Variants in TNN observed in about 807,000 individuals in gnomAD.
TNN encodes tenascin-N.
TNN carries 122 observed loss-of-function variants against 134.4 expected under a neutral mutation model. The ratio of observed to expected loss-of-function variants is 0.91; its 90% CI spans 0.78 to 1.06. The LOEUF (loss-of-function observed/expected upper bound fraction) is 1.06, where lower values mean the gene tolerates loss of function less well. Ranked by LOEUF, TNN falls within the 50% of genes least tolerant of loss-of-function variation. The pLI is 0.00. For missense variants in TNN, 1,739 were observed against 1,699.4 expected (o/e 1.02, Z -0.41); for synonymous variants, 710 against 670.3 (o/e 1.06, Z -0.91).
chr1:175,093,747 A>G (rs995596130), intron 6 of TNN, among the ~76,000 whole-genome samples: 1 of 152,162 alleles, frequency 6.6e-6, no homozygotes, highest in Admixed American at 6.5e-5. Flanking sequence ...AGTTTTCTCT[A>G]ATATGTTCAG....
chr1:175,098,345 C>A lies in TNN; in HGVS notation c.1869C>A (p.Pro623=), dbSNP rs1457163407. The change falls in exon 9 of 19, where the codon CCC becomes CCA. Residue 623 remains proline, a synonymous_variant. Transcript: ENST00000239462. The stretch of plus-strand genomic sequence containing the variant: ...TTTTCCTTCCAGATATTGACAGCCC[C>A]AAAAACCTGGTGACTGACCGGGTGA... ...DTNAPTDIDS[P]KNLVTDRVTE... The A allele has an allele frequency of 1.2e-6, 2 of 1,614,018 alleles. No individual in the cohort carries two copies. Among genetic ancestry groups the A allele is most frequent in the African/African-American group, 2.7e-5 (2 of 74,912 alleles).
chr1:175,146,806 C>G, intron 18 of TNN, 125 bp from the exon 19 acceptor site: 1 of 946,982 alleles, frequency 1.1e-6, no homozygotes, highest in Non-Finnish European at 1.5e-6. Flanking sequence ...CTTTCTCTCT[C>G]CTGAGCAGAG....
At position 175,094,003 on chromosome 1, in the gene TNN, A is replaced by C; in HGVS notation, c.1338A>C (p.Pro446=). Reference sequence around the variant, plus strand: ...GTTTTTATGAAGAAATTGACAGTCCAACCAATGTTGTCACTGATCGAGTGA... The same window carrying C: ...GTTTTTATGAAGAAATTGACAGTCCCACCAATGTTGTCACTGATCGAGTGA... ...LLNGRTEIDS[P]TNVVTDRVTE... Residue 446 remains proline (P), a synonymous_variant, in exon 7 of 19, where the codon CCA becomes CCC. Coordinates refer to ENST00000239462, the MANE Select transcript of TNN (RefSeq NM_022093.2). The C allele has an allele frequency of 1.2e-6, 2 of 1,601,264 alleles. No homozygotes were observed. The highest frequency in any genetic ancestry group is 8.5e-7 in the Non-Finnish European group (1 of 1,169,996).
At chr1:175,087,215 C>A (rs1894686) in intron 6 of TNN, among the ~76,000 whole-genome samples, 83,039 of 152,062 alleles carry the variant, frequency 0.55, 23,219 homozygotes, top group African/African-American at 0.68. Flanking sequence ...TGGTCTGTAC[C>A]TTTCTCCAAA....
At chr1:175,123,226 T>C (rs562083655) in intron 11 of TNN, among the ~76,000 whole-genome samples, 174 bp from the exon 12 acceptor site, 15 of 152,354 alleles carry the variant, frequency 9.8e-5, no homozygotes, top group Admixed American at 9.1e-4. Flanking sequence ...TCCAGTTTTA[T>C]ATCCAGTGGT....
intron 13 of TNN, 115 bp from the exon 14 acceptor site, chr1:175,127,917 C>T: frequency 7.7e-7 from 1 of 1,298,726 alleles, no homozygotes; most frequent in South Asian, 1.3e-5. Context: ...AGAGACAAAA[C>T]ACTGTGCTCT....
intron 7 of TNN, among the ~76,000 whole-genome samples, chr1:175,095,200 C>T (rs904294921): frequency 6.6e-6 from 1 of 152,104 alleles, no homozygotes; most frequent in Non-Finnish European, 1.5e-5. Context: ...AATAGTTGAC[C>T]TCTTCTTCAG....
rs1675208231 is a variant in TNN, at chr1:175,117,172, G to C, written c.2353G>C (p.Glu785Gln). ...CGTGTGGGCCCAGAAGGGGGCCCAG[G>C]AGAGCAAGAAGGCTGACACCAAGGC... ...VHVWAQKGAQ[E>Q]SKKADTKAQT... The change falls in exon 10 of 19, where the codon GAG becomes CAG. Residue 785 changes from glutamate (E) to glutamine (Q), a missense_variant. Physicochemically the swap from Glu to Gln is conservative, Grantham distance 29. Transcript: ENST00000239462. The C allele has an allele frequency of 6.2e-7, 1 of 1,614,158 alleles. No individual in the cohort carries two copies. Among genetic ancestry groups the C allele is most frequent in the South Asian group, 1.1e-5 (1 of 91,092 alleles).
intron 1 of TNN, among the ~76,000 whole-genome samples, chr1:175,076,458 A>G (rs1057480388): frequency 6.6e-6 from 1 of 152,270 alleles, no homozygotes; most frequent in African/African-American, 2.4e-5. Flanking sequence ...GAGTAACTGT[A>G]ACACCAGGTC....
At chr1:175,132,923 A>G (rs555123530) in intron 15 of TNN, among the ~76,000 whole-genome samples, 39 of 152,382 alleles carry the variant, frequency 2.6e-4, no homozygotes, top group African/African-American at 9.4e-4. Context: ...GAAGGCACAA[A>G]TATCAGGTGG....
intron 9 of TNN, among the ~76,000 whole-genome samples, chr1:175,099,138 A>T (rs1674652450): frequency 6.6e-6 from 1 of 152,174 alleles, no homozygotes; most frequent in African/African-American, 2.4e-5. Context: ...ACTTCCCTAC[A>T]TGAAATCTTC....
At chr1:175,099,107 T>C (rs778159982) in intron 9 of TNN, among the ~76,000 whole-genome samples, 5 of 152,218 alleles carry the variant, frequency 3.3e-5, no homozygotes, top group Admixed American at 2.6e-4. Context: ...TAATTATGTC[T>C]ATTTTCATGT....
At chr1:175,075,516 G>T (rs948559548) in intron 1 of TNN, among the ~76,000 whole-genome samples, 1 of 152,122 alleles carries the variant, frequency 6.6e-6, no homozygotes, top group African/African-American at 2.4e-5. Flanking sequence ...GACTGGTCTC[G>T]AACTCCTGGC....
chr1:175,125,677 CCCTCCTTT>C (rs1381284928), intron 12 of TNN, among the ~76,000 whole-genome samples: 4 of 105,452 alleles, frequency 3.8e-5, no homozygotes, highest in Non-Finnish European at 8.1e-5. Flanking sequence ...CTCCCTCCCT[CCCTCCTTT>C]CTTTCTCTCT....
rs1291190026 is a variant in TNN, at chr1:175,123,512, T to C, written c.2763T>C (p.Ser921=). ...TIDKYMVRYT[S]ADGETREVPV... Reference sequence around the variant, plus strand: ...ACAAGTACATGGTGCGCTACACCTCTGCTGACGGAGAGACCAGGGAGGTTC... The same window carrying C: ...ACAAGTACATGGTGCGCTACACCTCCGCTGACGGAGAGACCAGGGAGGTTC... The change falls in exon 12 of 19, where the codon TCT becomes TCC. Residue 921 remains serine (S), a synonymous_variant. Transcript: ENST00000239462. The C allele has an allele frequency of 1.1e-5, 18 of 1,613,978 alleles. No homozygotes were observed. Among genetic ancestry groups the C allele is most frequent in the Non-Finnish European group, 1.4e-5 (17 of 1,179,958 alleles).
chr1:175,117,595 G>A (rs1675219129), intron 10 of TNN, among the ~76,000 whole-genome samples: 1 of 152,176 alleles, frequency 6.6e-6, no homozygotes, highest in Admixed American at 6.5e-5. Flanking sequence ...ATCTGCCATA[G>A]CAAGGAGATG....
rs777805905 is a variant in TNN at position 175,080,263 on chromosome 1, C to T, written c.885C>T (p.Tyr295=). Residue 295 remains tyrosine (Y), a synonymous_variant, in exon 4 of 19, where the codon TAC becomes TAT. Coordinates refer to ENST00000239462, the MANE Select transcript of TNN (RefSeq NM_022093.2). ...AGGTGGATCACTACCTCCTCAGCTACTACCCCCTGGGGAAGGAGCTCTCTG... is the reference window on the plus strand; with the variant it reads ...AGGTGGATCACTACCTCCTCAGCTATTACCCCCTGGGGAAGGAGCTCTCTG... ...SSQVDHYLLS[Y]YPLGKELSGK... The T allele has an allele frequency of 1.1e-5, 18 of 1,614,172 alleles. No individual in the cohort carries two copies. In the Admixed American group the frequency reaches 1.7e-4, roughly 15 times the overall value.
In TNN at chr1:175,079,628, C is replaced by A. The variant is rs370138783; in HGVS notation, c.705C>A (p.Gly235=). 2.2e-4 allele frequency: 349 copies of A among 1,604,720 alleles called. No homozygotes were observed. Among genetic ancestry groups the A allele is most frequent in the Non-Finnish European group, 2.8e-4 (327 of 1,176,966 alleles). The stretch of plus-strand genomic sequence containing the variant: ...ACTGCAGCGAGAAGCGCTGTCCCGG[C>A]GACTGCAGCGGCCACGGCTTCTGTG... ...SEDCSEKRCP[G]DCSGHGFCDT... is the part of the protein sequence containing the mutation. The change falls in exon 3 of 19, where the codon GGC becomes GGA. Residue 235 remains glycine (G), a synonymous_variant. Transcript: ENST00000239462.
In TNN at chr1:175,102,361, G is replaced by A. The variant is rs866767564; in HGVS notation, c.2119+3766G>A. On this transcript the variant is annotated intron_variant, in intron 9 of 18. Transcript: ENST00000239462. ...TGCCATGGAGCAGGGGATGGTATTCGTCGGGGAGGCTCGGGCTGCACAGGA... is the reference window on the plus strand; with the variant it reads ...TGCCATGGAGCAGGGGATGGTATTCATCGGGGAGGCTCGGGCTGCACAGGA... 8.9e-5 allele frequency among the ~76,000 whole-genome samples: 13 copies of A among 146,152 alleles called. 1 individual carries two copies. Among genetic ancestry groups the A allele is most frequent in the Admixed American group, 2.0e-4 (3 of 14,642 alleles).
Sources: gnomAD v4.1 joint callset for allele counts (sites outside exome capture counted in the v4.1 genomes callset) on GRCh38, gnomAD v4.1.1 for gene constraint, MANE v1.5 for transcripts, NCBI Gene and HGNC (gene_info 2026-07-23, HGNC 2026-07-21) for gene names.